ULK4: variants seen among roughly 807,000 people sequenced by gnomAD.
The protein encoded by ULK4 is unc-51 like kinase 4, also known as inactive serine/threonine-protein kinase ULK4.
ULK4 carries 133 observed loss-of-function variants against 160.6 expected under a neutral mutation model. That is an observed-to-expected ratio of 0.83 (90% CI 0.72 to 0.96). The LOEUF is 0.96. ULK4 is among the 40% of genes least tolerant of loss of function. The pLI is 0.00. For missense variants in ULK4, 1,580 were observed against 1,499.5 expected, an observed-to-expected ratio of 1.05 and a Z score of -0.89; for synonymous variants, 534 against 539.8, an observed-to-expected ratio of 0.99 and a Z score of 0.15.
At chr3:41,882,384 A>G (rs1697555091) in intron 17 of ULK4, 1 of 664,378 alleles carries the variant, frequency 1.5e-6, no homozygotes, top group Admixed American at 2.2e-5. Flanking sequence ...GGGTGGTCGT[A>G]GTATTCTTTT....
intron 35 of ULK4, among the ~76,000 whole-genome samples, chr3:41,373,078 A>G (rs1396657427): frequency 6.6e-6 from 1 of 152,216 alleles, no homozygotes; most frequent in African/African-American, 2.4e-5. Context: ...CAATGCAACA[A>G]GAAGAGCTAA....
At chr3:41,288,911 T>C (rs927592702) in intron 35 of ULK4, among the ~76,000 whole-genome samples, 4 of 152,108 alleles carry the variant, frequency 2.6e-5, no homozygotes, top group Admixed American at 6.5e-5. Context: ...AGATGGTACA[T>C]CTTTGGGCCT....
intron 32 of ULK4, among the ~76,000 whole-genome samples, chr3:41,464,413 A>C (rs956091836): frequency 1.3e-5 from 2 of 152,124 alleles, no homozygotes; most frequent in African/African-American, 4.8e-5. Context: ...CAAAAACAAA[A>C]CTGAGTTTCA....
intron 17 of ULK4, among the ~76,000 whole-genome samples, chr3:41,844,611 C>T (rs1307219847): frequency 6.6e-6 from 1 of 152,162 alleles, no homozygotes; most frequent in African/African-American, 2.4e-5. Context: ...AAAGGAGTTC[C>T]CACAGTGCAG....
intron 32 of ULK4, 130 bp downstream of exon 32, chr3:41,565,895 A>T: frequency 1.6e-6 from 1 of 644,798 alleles, no homozygotes; most frequent in Non-Finnish European, 2.6e-6. Flanking sequence ...TTTTGCTAGT[A>T]ATATTACTTG....
chr3:41,568,987 C>G (rs1373075891), intron 31 of ULK4, among the ~76,000 whole-genome samples: 4 of 152,172 alleles, frequency 2.6e-5, no homozygotes, highest in Admixed American at 2.0e-4. Flanking sequence ...TTACAGAACT[C>G]AGGAAAACAC....
intron 12 of ULK4, among the ~76,000 whole-genome samples, chr3:41,903,187 G>A (rs180749716): frequency 6.6e-6 from 1 of 152,302 alleles, no homozygotes; most frequent in Non-Finnish European, 1.5e-5. Context: ...CGTAAAGTAA[G>A]ACATCAATAT....
intron 32 of ULK4, among the ~76,000 whole-genome samples, chr3:41,550,047 C>G (rs1284268991): frequency 2.0e-5 from 3 of 151,810 alleles, no homozygotes; most frequent in Non-Finnish European, 2.9e-5. Flanking sequence ...GCCAGTCACA[C>G]AAAAAATGCT....
intron 29 of ULK4, among the ~76,000 whole-genome samples, chr3:41,676,967 T>C (rs2035742821): frequency 7.5e-6 from 1 of 134,050 alleles, no homozygotes; most frequent in Non-Finnish European, 1.5e-5. Flanking sequence ...GCTGGAGTGG[T>C]AGAATCACGG....
chr3:41,428,046 A>C (rs1242939728), intron 34 of ULK4, among the ~76,000 whole-genome samples: 1 of 152,148 alleles, frequency 6.6e-6, no homozygotes, highest in Non-Finnish European at 1.5e-5. Flanking sequence ...CAAAAGTTTA[A>C]GCTGATAAGC....
At chr3:41,749,489 AT>A (rs2038542201) in intron 22 of ULK4, among the ~76,000 whole-genome samples, 1 of 152,222 alleles carries the variant, frequency 6.6e-6, no homozygotes, top group East Asian at 1.9e-4. Flanking sequence ...TTTCAAAAAA[AT>A]AAAAAATAGG....
intron 35 of ULK4, among the ~76,000 whole-genome samples, chr3:41,262,137 C>T (rs1354934642): frequency 6.6e-6 from 1 of 152,168 alleles, no homozygotes; most frequent in Non-Finnish European, 1.5e-5. Context: ...TTGCCCTTTG[C>T]CTCTCCCCAT....
chr3:41,643,498 T>C (rs1430313597), intron 30 of ULK4, among the ~76,000 whole-genome samples: 1 of 152,248 alleles, frequency 6.6e-6, no homozygotes, highest in African/African-American at 2.4e-5. Context: ...GATCAGATAG[T>C]TGAAGATATG....
At chr3:41,529,073 T>G (rs1421688119) in intron 32 of ULK4, among the ~76,000 whole-genome samples, 3 of 152,226 alleles carry the variant, frequency 2.0e-5, no homozygotes. Flanking sequence ...CCAAAGCGCA[T>G]CTTGAGAGAA....
intron 34 of ULK4, among the ~76,000 whole-genome samples, chr3:41,421,423 G>T: frequency 6.6e-6 from 1 of 152,064 alleles, no homozygotes; most frequent in South Asian, 2.1e-4. Context: ...GTTTACTATT[G>T]ACTTTAAGAA....
Position 41,881,316 on chromosome 3 carries a change from A to C in ULK4, c.1656+2558T>G, listed in dbSNP as rs533326516. Among the ~76,000 whole-genome samples, 707 of 151,282 alleles carry C rather than the reference A, an allele frequency of 4.7e-3. 2 individuals are homozygous for C. Among genetic ancestry groups the C allele is most frequent in the Non-Finnish European group, 6.8e-3 (465 of 67,948 alleles). ...AAAAAAAAAAAAAAAAAAAACAGGA[A>C]AAAGATGAAACATGGTACCATGTAC... On this transcript the variant is annotated intron_variant, in intron 17 of 36. Coordinates refer to ENST00000301831, the MANE Select transcript of ULK4 (RefSeq NM_017886.4).
chr3:41,952,911 G>A (rs546535854), intron 2 of ULK4, among the ~76,000 whole-genome samples: 47 of 152,162 alleles, frequency 3.1e-4, no homozygotes, highest in African/African-American at 9.6e-4. Flanking sequence ...ATGCTACAAC[G>A]TGGATAAACC....
chr3:41,338,219 G>A (rs918865083), intron 35 of ULK4, among the ~76,000 whole-genome samples: 16 of 152,202 alleles, frequency 1.1e-4, no homozygotes, highest in Non-Finnish European at 2.1e-4. Context: ...CTGGCAGCTG[G>A]AATTCCAGCT....
At chr3:41,620,870 T>C (rs771631031) in intron 30 of ULK4, among the ~76,000 whole-genome samples, 6 of 152,118 alleles carry the variant, frequency 3.9e-5, no homozygotes, top group Non-Finnish European at 7.4e-5. Context: ...GAAAACCCCA[T>C]CATCTCAGCC....
Sources: allele counts gnomAD v4.1 joint callset (sites outside exome capture counted in the v4.1 genomes callset), GRCh38; gene constraint gnomAD v4.1.1; transcripts MANE v1.5; gene names NCBI Gene and HGNC (gene_info 2026-07-23, HGNC 2026-07-21).